The following CXCL5 variants were observed in gnomAD, a reference collection of about 807,000 sequenced individuals.
CXCL5 encodes C-X-C motif chemokine ligand 5.
CXCL5 carries 13 observed loss-of-function variants against 12.1 expected under a neutral mutation model. That is an observed-to-expected ratio of 1.08 (90% CI 0.70 to 1.71). The LOEUF is 1.71. Among genes scored for constraint, CXCL5 ranks in the 40% most tolerant of loss-of-function variants. The pLI is 0.00. For missense variants in CXCL5, 159 were observed against 142.4 expected (o/e 1.12, Z -0.59); for synonymous variants, 67 against 59.0 (o/e 1.14, Z -0.62).
intron 3 of CXCL5, 102 bp downstream of exon 3, chr4:73,997,910 A>C: frequency 9.0e-7 from 1 of 1,107,438 alleles, no homozygotes; most frequent in Admixed American, 2.2e-5. Flanking sequence ...AATTCTAAAC[A>C]TGAAAAGTGT....
At position 73,998,525 on chromosome 4, in the gene CXCL5, G is replaced by A. The variant is rs749214767; in HGVS notation, c.57C>T (p.Cys19=). Residue 19 remains cysteine, a synonymous_variant, in exon 1 of 4, where the codon TGC becomes TGT. Coordinates refer to ENST00000296027, the MANE Select transcript of CXCL5 (RefSeq NM_002994.5). The stretch of plus-strand genomic sequence containing the variant: ...GCAGCAGCAGCAGCACCAACAGCGC[G>A]CACAAGGAGCTCGAAGGACCGGGGA... ...ARVPGPSSSL[C]ALLVLLLLLT... 1.1e-5 allele frequency: 17 copies of A among 1,596,698 alleles called. No homozygotes were observed. Among genetic ancestry groups the A allele is most frequent in the Non-Finnish European group, 1.4e-5 (16 of 1,171,256 alleles).
At position 73,997,637 on chromosome 4, in the gene CXCL5, T is replaced by C; in HGVS notation, c.345A>G (p.Ter115TrpextTer23). The C allele has an allele frequency of 6.2e-7, 1 of 1,609,980 alleles. No homozygotes were observed. The highest frequency in any genetic ancestry group is 8.5e-7 in the Non-Finnish European group (1 of 1,177,848). The change falls in exon 4 of 4, where the codon TGA (stop) becomes TGG (tryptophan). Residue 115 changes from the stop codon to tryptophan (W), a stop_lost. Coordinates refer to ENST00000296027, the MANE Select transcript of CXCL5 (RefSeq NM_002994.5). Reference sequence around the variant, plus strand: ...TTCCATGCGTGCTCATTTCTCTTAATCAGTTTTCCTTGTTTCCACTGTTGA... The same window carrying C: ...TTCCATGCGTGCTCATTTCTCTTAACCAGTTTTCCTTGTTTCCACTGTTGA... Reference protein sequence around the residue: ...KILDGGNKEN* With the variant: ...KILDGGNKENW
rs764548767 is a variant in CXCL5 at position 73,998,472 on chromosome 4, C to T, written c.109+1G>A. The stretch of plus-strand genomic sequence containing the variant: ...GCGTCCCGCGCGCCATGCGCTCTCA[C>T]CGCTGGCGATGGGCCCTGGCTGCGT... On this transcript the variant is annotated splice_donor_variant, in intron 1 of 3. Coordinates refer to ENST00000296027, the MANE Select transcript of CXCL5 (RefSeq NM_002994.5). LOFTEE classifies it high-confidence loss of function. 12 of 1,604,600 alleles carry T rather than the reference C, an allele frequency of 7.5e-6. No homozygotes were observed. The Admixed American group carries it at 2.1e-4, about 28-fold the overall frequency.
At position 73,996,582 on chromosome 4, in the gene CXCL5, T is replaced by G. The variant is rs1286509538; in HGVS notation, c.*1055A>C. On this transcript the variant is annotated 3_prime_UTR_variant, in exon 4 of 4. Transcript: ENST00000296027. ...TGACATCCCTTGGACAACTTCTCCT[T>G]GTTTTTTTTTGTTTTGTTTTGTTTT... 6.6e-6 allele frequency: 1 copy of G among 152,564 alleles called. No homozygotes were observed. The highest frequency in any genetic ancestry group is 6.6e-5 in the Admixed American group (1 of 15,266). The allele number at this position is 152,564 out of a possible 1,614,324, so 9.5% of individuals were successfully genotyped here.
In CXCL5 at chr4:73,997,931, G is replaced by A. The variant is rs569405414; in HGVS notation, c.326+81C>T. 16 of 1,206,830 alleles carry A rather than the reference G, an allele frequency of 1.3e-5. No homozygotes were observed. In the East Asian group the frequency reaches 1.9e-4, roughly 14 times the overall value. The allele number at this position is 1,206,830 out of a possible 1,614,324, so 74.8% of individuals were successfully genotyped here. A position where few individuals can be genotyped will look rare whatever the true frequency, so the allele number is the denominator to read the frequency against. On this transcript the variant is annotated intron_variant, in intron 3 of 3. Transcript: ENST00000296027. ...AAACATGAAAAGTGTTACTTAAATC[G>A]TACAGAGAATAAAGACCTTGTGAAG...
Position 73,997,665 on chromosome 4 carries a change from A to G in CXCL5, c.327-10T>C. On this transcript the variant is annotated splice_polypyrimidine_tract_variant and intron_variant, in intron 3 of 3. Coordinates refer to ENST00000296027, the MANE Select transcript of CXCL5 (RefSeq NM_002994.5). ...GTTTTCCTTGTTTCCACTGTTGAGAAAAATGTTATATTAGTTTAACCATTT... is the reference window on the plus strand; with the variant it reads ...GTTTTCCTTGTTTCCACTGTTGAGAGAAATGTTATATTAGTTTAACCATTT... The G allele has an allele frequency of 6.2e-7, 1 of 1,603,132 alleles. No individual in the cohort carries two copies. Among genetic ancestry groups the G allele is most frequent in the Non-Finnish European group, 8.5e-7 (1 of 1,171,800 alleles).
rs759542018 is a variant in CXCL5, at chr4:73,998,254, T to C, written c.194A>G (p.Asn65Ser). The change falls in exon 2 of 4, where the codon AAT becomes AGT. Residue 65 changes from asparagine to serine, a missense_variant. Asn to Ser is a conservative substitution (Grantham distance 46). Transcript: ENST00000296027. ...TGGGCCTATGGCGAACACTTGCAGA[T>C]TACTGATCATTTTGGGATGAACTCC... ...TQGVHPKMIS[N>S]LQVFAIGPQC... 15 of 1,614,012 alleles carry C rather than the reference T, an allele frequency of 9.3e-6. No individual in the cohort carries two copies. The South Asian group carries it at 1.4e-4, about 15-fold the overall frequency.
chr4:73,998,359 C>A (rs200900311), intron 1 of CXCL5, 21 bp from the exon 2 acceptor site: 22 of 1,613,506 alleles, frequency 1.4e-5, no homozygotes, highest in Non-Finnish European at 1.8e-5. Flanking sequence ...AAGAGAGACA[C>A]CCTTTATAGG....
At chr4:73,998,428 T>A (rs768473047) in intron 1 of CXCL5, 45 bp downstream of exon 1, 5 of 1,608,068 alleles carry the variant, frequency 3.1e-6, no homozygotes, top group Non-Finnish European at 4.2e-6. Flanking sequence ...GGGATGCACC[T>A]CTGTGCCCGA....
intron 2 of CXCL5, 35 bp from the exon 3 acceptor site, chr4:73,998,130 T>TA (rs781737431): frequency 6.2e-7 from 1 of 1,613,502 alleles, no homozygotes; most frequent in Non-Finnish European, 8.5e-7. Context: ...ACTCATGAGA[T>TA]ACCAAGGTTG....
rs1719252998 is a variant in CXCL5 at position 73,998,517 on chromosome 4, A to C, written c.65T>G (p.Leu22Trp). 6.3e-7 allele frequency: 1 copy of C among 1,596,748 alleles called. No homozygotes were observed. Among genetic ancestry groups the C allele is most frequent in the Non-Finnish European group, 8.5e-7 (1 of 1,171,300 alleles). Residue 22 changes from leucine (L) to tryptophan (W), a missense_variant, in exon 1 of 4, where the codon TTG (leucine) becomes TGG (tryptophan). Coordinates refer to ENST00000296027, the MANE Select transcript of CXCL5 (RefSeq NM_002994.5). ...CTGCGTCAGCAGCAGCAGCAGCACCAACAGCGCGCACAAGGAGCTCGAAGG... is the reference window on the plus strand; with the variant it reads ...CTGCGTCAGCAGCAGCAGCAGCACCCACAGCGCGCACAAGGAGCTCGAAGG... The part of the protein sequence containing the change: ...PGPSSSLCAL[L>W]VLLLLLTQPG...
Position 73,998,602 on chromosome 4 carries a change from G to C in CXCL5, c.-21C>G, listed in dbSNP as rs1377698032. 1.3e-6 allele frequency: 2 copies of C among 1,560,250 alleles called. No homozygotes were observed. Among genetic ancestry groups the C allele is most frequent in the Non-Finnish European group, 1.7e-6 (2 of 1,151,266 alleles). On this transcript the variant is annotated 5_prime_UTR_variant, in exon 1 of 4. Transcript: ENST00000296027. ...CTCATAGTGGTCAAGAGAGCGCTGC[G>C]AGCGGTCGCGGGTTCCTGAACTGGG... is the stretch of plus-strand genomic sequence containing the variant.
At chr4:73,997,743 G>T in intron 3 of CXCL5, 88 bp from the exon 4 acceptor site, 2 of 1,093,554 alleles carry the variant, frequency 1.8e-6, no homozygotes, top group Non-Finnish European at 2.7e-6. Context: ...TATGATGTTT[G>T]GTAAAAAAGG....
chr4:73,997,811 C>T (rs934686407), intron 3 of CXCL5, among the ~76,000 whole-genome samples, 156 bp from the exon 4 acceptor site: 25 of 152,186 alleles, frequency 1.6e-4, no homozygotes, highest in Admixed American at 1.6e-3. Context: ...TAGTGACAAG[C>T]TGTGTGTAAT....
At chr4:73,998,372 A>T (rs200841320) in intron 1 of CXCL5, 34 bp from the exon 2 acceptor site, 2 of 1,612,578 alleles carry the variant, frequency 1.2e-6, no homozygotes, top group Non-Finnish European at 1.7e-6. Context: ...TTTATAGGGC[A>T]GGTTGCTGGG....
rs1182682639 is a variant in CXCL5 at position 73,996,473 on chromosome 4, T to C, written c.*1164A>G. 1.3e-5 allele frequency: 2 copies of C among 152,642 alleles called. No homozygotes were observed. The highest frequency in any genetic ancestry group is 2.9e-5 in the Non-Finnish European group (2 of 68,050). 9.5% of individuals were successfully genotyped at this position (152,642 alleles called of 1,614,324 possible). On this transcript the variant is annotated 3_prime_UTR_variant, in exon 4 of 4. Transcript: ENST00000296027. ...CTTGCCCCAGCGTGGCCACCTTATA[T>C]ATAATTATATATTCTACCATAAATG...
In CXCL5 at chr4:73,997,514, GA is replaced by G. The variant is rs965990474; in HGVS notation, c.*122del. On this transcript the variant is annotated 3_prime_UTR_variant, in exon 4 of 4. Transcript: ENST00000296027. ...AATCCAGGAAGAAAGCTAACTACTG[GA>G]AAAACAAATAAACAAACAACAACAA... 8.9e-6 allele frequency: 7 copies of G among 787,936 alleles called. No homozygotes were observed. The East Asian group carries it at 1.5e-4, about 17-fold the overall frequency. The allele number at this position is 787,936 out of a possible 1,614,324, so 48.8% of individuals were successfully genotyped here.
Position 73,998,638 on chromosome 4 carries a change from G to T in CXCL5, c.-57C>A. 7.0e-7 allele frequency: 1 copy of T among 1,438,830 alleles called. No individual in the cohort carries two copies. The highest frequency in any genetic ancestry group is 2.5e-5 in the East Asian group (1 of 40,436). The allele number at this position is 1,438,830 out of a possible 1,614,324, so 89.1% of individuals were successfully genotyped here. On this transcript the variant is annotated 5_prime_UTR_variant, in exon 1 of 4. Transcript: ENST00000296027. ...GGTTCCTGAACTGGGTGGAGGAGCG[G>T]AGATTGGAGGAGCGAAGATTGGAGG... is the stretch of plus-strand genomic sequence containing the variant.
Position 73,996,650 on chromosome 4 carries a change from G to A in CXCL5, c.*987C>T, listed in dbSNP as rs1291754257. ...TCTGGTCCCCTATCCAAGGAGAAAT[G>A]CTAGGGCCTCGAGGATGTCGCTATA... On this transcript the variant is annotated 3_prime_UTR_variant, in exon 4 of 4. Transcript: ENST00000296027. 1 of 152,410 alleles carries A rather than the reference G, an allele frequency of 6.6e-6. No homozygotes were observed. The highest frequency in any genetic ancestry group is 6.6e-5 in the Admixed American group (1 of 15,240). The allele number at this position is 152,410 out of a possible 1,614,324, so 9.4% of individuals were successfully genotyped here.
Sources: allele counts gnomAD v4.1 joint callset (sites outside exome capture counted in the v4.1 genomes callset), GRCh38; gene constraint gnomAD v4.1.1; transcripts MANE v1.5; gene names NCBI Gene and HGNC (gene_info 2026-07-23, HGNC 2026-07-21).